PCDHA12: variants seen among roughly 807,000 people sequenced by gnomAD.
PCDHA12 encodes protocadherin alpha-12.
Under a neutral mutation model 60.0 loss-of-function variants are expected in PCDHA12, and 44 were observed. The ratio of observed to expected loss-of-function variants is 0.73; its 90% confidence interval spans 0.58 to 0.94. The LOEUF (loss-of-function observed/expected upper bound fraction) is 0.94. Ranked by LOEUF, PCDHA12 falls within the 40% of genes least tolerant of loss-of-function variation. PCDHA12 has a pLI of 0.00. For synonymous variants in PCDHA12, 569 were observed against 553.0 expected (o/e 1.03, Z -0.40); for missense variants, 1,276 against 1,239.7 (o/e 1.03, Z -0.44).
chr5:140,939,758 T>G (rs2092452335), intron 1 of PCDHA12, among the ~76,000 whole-genome samples: 1 of 152,234 alleles, frequency 6.6e-6, no homozygotes, highest in Non-Finnish European at 1.5e-5. Context: ...TGTCATTATA[T>G]AGTATTTCAG....
At chr5:140,981,537 G>A (rs375537131) in intron 2 of PCDHA12, among the ~76,000 whole-genome samples, 2 of 152,172 alleles carry the variant, frequency 1.3e-5, no homozygotes, top group East Asian at 1.9e-4. Flanking sequence ...TCGTGCCACT[G>A]TACTCCAGCC....
chr5:140,940,983 C>G lies in PCDHA12; in HGVS notation c.2368-37966C>G, dbSNP rs572659107. On this transcript the variant is annotated intron_variant, in intron 1 of 3. Coordinates refer to ENST00000398631, the MANE Select transcript of PCDHA12 (RefSeq NM_018903.4). ...ATGCAGGATATCTGGTATCTAGTTA[C>G]AAGTTTATAGGATTAAATTTTCCTT... 3.9e-5 allele frequency among the ~76,000 whole-genome samples: 6 copies of G among 152,294 alleles called. No homozygotes were observed. In the South Asian group the frequency reaches 1.0e-3, roughly 26 times the overall value.
At chr5:141,003,123 T>C (rs1387983867) in intron 3 of PCDHA12, among the ~76,000 whole-genome samples, 1 of 152,240 alleles carries the variant, frequency 6.6e-6, no homozygotes, top group Non-Finnish European at 1.5e-5. Flanking sequence ...GGCCCTTTCC[T>C]GGCATTTGCC....
chr5:140,986,308 A>G (rs1399323765), intron 3 of PCDHA12, among the ~76,000 whole-genome samples: 1 of 152,162 alleles, frequency 6.6e-6, no homozygotes, highest in African/African-American at 2.4e-5. Context: ...AGAGAAAATT[A>G]GCTAAATCAG....
intron 1 of PCDHA12, among the ~76,000 whole-genome samples, chr5:140,902,107 T>G (rs2069104126): frequency 6.6e-6 from 1 of 152,174 alleles, no homozygotes; most frequent in African/African-American, 2.4e-5. Flanking sequence ...CTTTAGATTT[T>G]TTTAAAACTG....
At chr5:141,004,976 A>G (rs1554259837) in intron 3 of PCDHA12, among the ~76,000 whole-genome samples, 1 of 152,248 alleles carries the variant, frequency 6.6e-6, no homozygotes, top group Non-Finnish European at 1.5e-5. Flanking sequence ...GTAAATTTGC[A>G]GTATCATTAT....
intron 1 of PCDHA12, chr5:140,884,540 G>A (rs782638313): frequency 1.9e-6 from 3 of 1,613,998 alleles, no homozygotes; most frequent in South Asian, 2.2e-5. Flanking sequence ...GCGGCCGAGG[G>A]TGTGCTCTGG....
In PCDHA12 at chr5:140,875,951, C is replaced by A. The variant is rs1292449525; in HGVS notation, c.479C>A (p.Ala160Glu). 1.2e-6 allele frequency: 2 copies of A among 1,614,116 alleles called. No individual in the cohort carries two copies. Among genetic ancestry groups the A allele is most frequent in the East Asian group, 2.2e-5 (1 of 44,884 alleles). ...TTTCCTCTAGAGGGCGCTTCTGATG[C>A]GGATATCGGCGTAAACTCTCTTTTG... The part of the protein sequence containing the change: ...SHFPLEGASD[A>E]DIGVNSLLTY... The change falls in exon 1 of 4, where the codon GCG (alanine) becomes GAG (glutamate). Residue 160 changes from alanine (A) to glutamate (E), a missense_variant. Transcript: ENST00000398631.
Position 140,978,951 on chromosome 5 carries a change from A to G in PCDHA12, c.2370A>G (p.Pro790=). Residue 790 remains proline, a splice_region_variant and synonymous_variant, in exon 2 of 4, where the codon CCA becomes CCG. Coordinates refer to ENST00000398631, the MANE Select transcript of PCDHA12 (RefSeq NM_018903.4). ...REDCLNPPSE[P]RQPNPDWRYS... ...AAACTCTCTTTGTGATTTTGCAGCC[A>G]CGACAGCCCAACCCTGACTGGCGTT... is the stretch of plus-strand genomic sequence containing the variant. 1.2e-6 allele frequency: 2 copies of G among 1,614,182 alleles called. No homozygotes were observed. The highest frequency in any genetic ancestry group is 1.7e-6 in the Non-Finnish European group (2 of 1,180,032).
chr5:140,980,441 A>G (rs1454168972), intron 2 of PCDHA12, among the ~76,000 whole-genome samples: 7 of 152,124 alleles, frequency 4.6e-5, no homozygotes, highest in African/African-American at 1.7e-4. Context: ...ACCATCCTGG[A>G]CAACACGGTG....
intron 3 of PCDHA12, among the ~76,000 whole-genome samples, chr5:141,008,048 G>A (rs2098358764): frequency 1.3e-5 from 2 of 151,972 alleles, no homozygotes; most frequent in South Asian, 4.2e-4. Flanking sequence ...TTTGTAACAG[G>A]GGTCCAGTCC....
At chr5:140,996,622 G>C (rs2097735162) in intron 3 of PCDHA12, among the ~76,000 whole-genome samples, 1 of 152,156 alleles carries the variant, frequency 6.6e-6, no homozygotes, top group African/African-American at 2.4e-5. Context: ...AATTTCACTG[G>C]TTCCTGCAAA....
In PCDHA12 at chr5:140,993,461, CT is replaced by C. The variant is rs1554253717; in HGVS notation, c.2515+10899del. 2.8e-3 allele frequency among the ~76,000 whole-genome samples: 284 copies of C among 103,272 alleles called. 3 individuals are homozygous for C. Among genetic ancestry groups the C allele is most frequent in the African/African-American group, 0.011 (251 of 22,630 alleles). 67.8% of individuals were successfully genotyped at this position (103,272 alleles called of 152,430 possible). ...TCATTCCTGTTCTCCTTCTTTCTTTCTCACACACACACACACACACACACAC... is the reference window on the plus strand; with the variant it reads ...TCATTCCTGTTCTCCTTCTTTCTTTCCACACACACACACACACACACACAC... On this transcript the variant is annotated intron_variant, in intron 3 of 3. Coordinates refer to ENST00000398631, the MANE Select transcript of PCDHA12 (RefSeq NM_018903.4).
At chr5:140,951,311 T>G (rs1240303466) in intron 1 of PCDHA12, among the ~76,000 whole-genome samples, 4 of 152,224 alleles carry the variant, frequency 2.6e-5, no homozygotes, top group African/African-American at 9.6e-5. Context: ...ATTAATGTGT[T>G]ATTCTTGAGA....
At chr5:140,914,973 G>A (rs1166162661) in intron 1 of PCDHA12, among the ~76,000 whole-genome samples, 2 of 140,450 alleles carry the variant, frequency 1.4e-5, no homozygotes, top group Non-Finnish European at 3.0e-5. Context: ...CTGAGTCAGA[G>A]TCTTGCTCTG....
At chr5:140,939,672 A>T (rs573857311) in intron 1 of PCDHA12, among the ~76,000 whole-genome samples, 1 of 152,314 alleles carries the variant, frequency 6.6e-6, no homozygotes, top group Non-Finnish European at 1.5e-5. Context: ...ACCAACTTGT[A>T]TGTATGTGTG....
At chr5:140,962,625 A>C (rs2095697493) in intron 1 of PCDHA12, among the ~76,000 whole-genome samples, 1 of 152,228 alleles carries the variant, frequency 6.6e-6, no homozygotes, top group Non-Finnish European at 1.5e-5. Context: ...GAGATGTGAA[A>C]AAATTTAGCC....
chr5:140,941,202 C>CTTTCTTTCTTTCTCT (rs1554213921), intron 1 of PCDHA12, among the ~76,000 whole-genome samples: 1 of 122,742 alleles, frequency 8.1e-6, no homozygotes, highest in African/African-American at 3.0e-5. Context: ...TTTCTTTCTT[C>CTTTCTTTCTTTCTCT]CTTTCTTTCT....
In PCDHA12 at chr5:140,875,617, G is replaced by T; in HGVS notation, c.145G>T (p.Ala49Ser). The change falls in exon 1 of 4, where the codon GCT (alanine) becomes TCT (serine). Residue 49 changes from alanine to serine, a missense_variant. Coordinates refer to ENST00000398631, the MANE Select transcript of PCDHA12 (RefSeq NM_018903.4). ...AKHGTFVGRIAQDLGLELAEL... is the reference protein window; with the variant it reads ...AKHGTFVGRISQDLGLELAEL... ...ACACGGCACCTTCGTGGGCCGCATC[G>T]CTCAGGACCTGGGGCTGGAGCTGGC... 1 of 1,613,780 alleles carries T rather than the reference G, an allele frequency of 6.2e-7. No homozygotes were observed. The highest frequency in any genetic ancestry group is 2.2e-5 in the East Asian group (1 of 44,888).
Sources: gnomAD v4.1 joint callset for allele counts (sites outside exome capture counted in the v4.1 genomes callset) on GRCh38, gnomAD v4.1.1 for gene constraint, MANE v1.5 for transcripts, NCBI Gene and HGNC (gene_info 2026-07-23, HGNC 2026-07-21) for gene names.